IFT56: variants seen among roughly 807,000 people sequenced by gnomAD.
The protein encoded by IFT56 is intraflagellar transport 56, also known as intraflagellar transport protein 56.
chr7:139,171,314 A>C, the IFT56 span, among the ~76,000 whole-genome samples: 4 of 152,170 alleles, frequency 2.6e-5, no homozygotes, highest in African/African-American at 9.7e-5. Flanking sequence ...AATACCAATG[A>C]TATTCTTCAT....
the IFT56 span, among the ~76,000 whole-genome samples, chr7:139,185,760 A>T: frequency 6.6e-6 from 1 of 152,000 alleles, no homozygotes; most frequent in Non-Finnish European, 1.5e-5. Context: ...TATAATTAGT[A>T]AGATGTACAT....
the IFT56 span, chr7:139,172,800 G>A: frequency 7.7e-6 from 5 of 645,806 alleles, no homozygotes; most frequent in South Asian, 2.7e-5. Context: ...ACAGGACCTC[G>A]TTCATTTCAT....
At chr7:139,164,870 A>G in the IFT56 span, among the ~76,000 whole-genome samples, 2 of 152,334 alleles carry the variant, frequency 1.3e-5, no homozygotes, top group East Asian at 3.9e-4. Context: ...GGTTAAAAAT[A>G]AAATGTTTAA....
chr7:139,166,729 A>G, the IFT56 span: 2 of 589,970 alleles, frequency 3.4e-6, no homozygotes, highest in Admixed American at 2.4e-5. Context: ...GATAAAACAG[A>G]TCATATTTCC....
the IFT56 span, among the ~76,000 whole-genome samples, chr7:139,177,907 C>T: frequency 6.6e-6 from 1 of 151,982 alleles, no homozygotes; most frequent in Non-Finnish European, 1.5e-5. Flanking sequence ...TGAATGTGCA[C>T]ATGTTGGATG....
chr7:139,173,315 C>T, the IFT56 span: 1 of 419,190 alleles, frequency 2.4e-6, no homozygotes, highest in Non-Finnish European at 4.2e-6. Flanking sequence ...GCAACCTCTG[C>T]CTCCTGGGTT....
At chr7:139,137,725 T>C in the IFT56 span, 1 of 671,908 alleles carries the variant, frequency 1.5e-6, no homozygotes, top group Middle Eastern at 2.9e-4. Context: ...TTAAACCTCA[T>C]ATTGTCATGC....
At chr7:139,139,395 C>T in the IFT56 span, among the ~76,000 whole-genome samples, 1 of 152,044 alleles carries the variant, frequency 6.6e-6, no homozygotes, top group African/African-American at 2.4e-5. Flanking sequence ...TGGAAAATGT[C>T]GTTAACAAAG....
chr7:139,168,532 G>C, the IFT56 span: 3 of 642,892 alleles, frequency 4.7e-6, no homozygotes, highest in Admixed American at 2.1e-5. Context: ...CCCCAATCCA[G>C]ACTCCACTGA....
chr7:139,169,280 G>T, the IFT56 span: 2 of 1,613,354 alleles, frequency 1.2e-6, no homozygotes, highest in Non-Finnish European at 1.7e-6. Context: ...AGCTCAGTTT[G>T]TTTTTCAGAG....
chr7:139,169,414 T>C, the IFT56 span: 3 of 1,454,542 alleles, frequency 2.1e-6, no homozygotes, highest in East Asian at 4.5e-5. Flanking sequence ...ATATTGACCG[T>C]GAAGTTTGAT....
At chr7:139,167,452 A>T in the IFT56 span, among the ~76,000 whole-genome samples, 2 of 152,210 alleles carry the variant, frequency 1.3e-5, no homozygotes, top group African/African-American at 4.8e-5. Context: ...GTTCTTTGTG[A>T]GCTCTCTTAA....
the IFT56 span, chr7:139,160,993 T>C: frequency 6.2e-7 from 1 of 1,613,828 alleles, no homozygotes; most frequent in Non-Finnish European, 8.5e-7. Flanking sequence ...ATCCTTTGAA[T>C]TTGCTAAAGA....
chr7:139,133,807 C>G, the IFT56 span: 3 of 1,613,992 alleles, frequency 1.9e-6, no homozygotes, highest in Non-Finnish European at 2.5e-6. Flanking sequence ...CGGCGAAACG[C>G]TGAGGCGCGG....
At chr7:139,144,194 C>T in the IFT56 span, among the ~76,000 whole-genome samples, 2 of 151,930 alleles carry the variant, frequency 1.3e-5, no homozygotes, top group Non-Finnish European at 2.9e-5. Context: ...GATGAATTCT[C>T]TCAGTTTTTG....
At chr7:139,179,613 T>A in the IFT56 span, 1 of 1,614,084 alleles carries the variant, frequency 6.2e-7, no homozygotes, top group Non-Finnish European at 8.5e-7. Flanking sequence ...GAAAAATGAT[T>A]ACATTTACCT....
the IFT56 span, chr7:139,147,125 T>G: frequency 6.2e-7 from 1 of 1,610,938 alleles, no homozygotes; most frequent in African/African-American, 1.3e-5. Flanking sequence ...TACATGTCTT[T>G]TCCACTCTCA....
the IFT56 span, among the ~76,000 whole-genome samples, chr7:139,158,689 G>A: frequency 3.2e-4 from 48 of 152,136 alleles, no homozygotes; most frequent in Non-Finnish European, 4.1e-4. Flanking sequence ...TGAGATAGGC[G>A]GATCATTTGA....
the IFT56 span, among the ~76,000 whole-genome samples, chr7:139,186,374 C>G: frequency 6.6e-6 from 1 of 151,280 alleles, no homozygotes; most frequent in Non-Finnish European, 1.5e-5. Context: ...CACAGTGAGT[C>G]ATGTTGGCAC....
Sources: allele counts gnomAD v4.1 joint callset (sites outside exome capture counted in the v4.1 genomes callset), GRCh38; gene constraint gnomAD v4.1.1; transcripts MANE v1.5; gene names NCBI Gene and HGNC (gene_info 2026-07-23, HGNC 2026-07-21).